LINGO2: variants seen among roughly 807,000 people sequenced by gnomAD.
The protein encoded by LINGO2 is leucine-rich repeat and immunoglobulin-like domain-containing nogo receptor-interacting protein 2.
In LINGO2, 14 loss-of-function variants were observed where a neutral mutation model predicts 30.6. The ratio of observed to expected loss-of-function variants is 0.46; its 90% confidence interval spans 0.30 to 0.72. The LOEUF is 0.72. LINGO2 is among the 30% of genes least tolerant of loss of function. The pLI is 0.07. For synonymous variants in LINGO2, 317 were observed against 288.5 expected (o/e 1.10, Z -1.00); for missense variants, 729 against 751.7 (o/e 0.97, Z 0.35).
rs143117895 is a variant in LINGO2 at position 28,436,421 on chromosome 9, AATTTATTTATTTATTT to A, written c.-279+39503_-279+39518del. Among the ~76,000 whole-genome samples, 788 of 138,966 alleles carry A rather than the reference AATTTATTTATTTATTT, an allele frequency of 5.7e-3. 10 individuals are homozygous for A. The highest frequency in any genetic ancestry group is 0.051 in the East Asian group (236 of 4,652). The allele number at this position is 138,966 out of a possible 152,430, so 91.2% of individuals were successfully genotyped here. A position where few individuals can be genotyped will look rare whatever the true frequency, so the allele number is the denominator to read the frequency against. ...TTTGAGAGAGAAGAATAAGGAAGAG[AATTTATTTATTTATTT>A]ATTTATTTATTTATTTATTTATTTA... is the stretch of plus-strand genomic sequence containing the variant. On this transcript the variant is annotated intron_variant, in intron 2 of 5. Coordinates refer to ENST00000379992, the Ensembl canonical transcript of LINGO2.
chr9:28,756,139 T>C, the LINGO2 span, among the ~76,000 whole-genome samples: 1 of 152,038 alleles, frequency 6.6e-6, no homozygotes, highest in Admixed American at 6.5e-5. Context: ...TCAAAACATC[T>C]TGGAAATTGC....
chr9:28,106,094 T>C (rs1402685037), intron 4 of LINGO2, among the ~76,000 whole-genome samples: 1 of 152,078 alleles, frequency 6.6e-6, no homozygotes, highest in African/African-American at 2.4e-5. Flanking sequence ...ATAGGTTACA[T>C]GCTCCTTATG....
At chr9:28,847,734 GTATA>G in the LINGO2 span, among the ~76,000 whole-genome samples, 5 of 114,716 alleles carry the variant, frequency 4.4e-5, no homozygotes, top group Non-Finnish European at 1.8e-5. Context: ...TAGTGTCTGT[GTATA>G]TATATATGTT....
chr9:28,059,894 G>A (rs775287039), intron 4 of LINGO2, among the ~76,000 whole-genome samples: 6 of 151,840 alleles, frequency 4.0e-5, no homozygotes, highest in Non-Finnish European at 7.4e-5. Flanking sequence ...ATAGAAGAAC[G>A]GGGTATGAGA....
chr9:28,566,255 G>C (rs1823376201), intron 1 of LINGO2, among the ~76,000 whole-genome samples: 3 of 152,130 alleles, frequency 2.0e-5, no homozygotes, highest in Admixed American at 1.3e-4. Flanking sequence ...CGTGGCTGAA[G>C]CCACTTTGTC....
the LINGO2 span, among the ~76,000 whole-genome samples, chr9:28,837,649 A>AATATATAATATATATATATAT: frequency 1.3e-5 from 1 of 75,794 alleles, no homozygotes; most frequent in African/African-American, 5.2e-5. Flanking sequence ...CTCCGTCTAA[A>AATATATAATATATATATATAT]ATATATATAT....
Position 28,377,044 on chromosome 9 carries a change from G to T in LINGO2, c.-278-4176C>A, listed in dbSNP as rs185283081. On this transcript the variant is annotated intron_variant, in intron 2 of 5. Coordinates refer to ENST00000379992, the Ensembl canonical transcript of LINGO2. ...CTCTTGAAATCTAGACATCTACAGA[G>T]ATGTTAGTAGATATGTACAAACACA... Among the ~76,000 whole-genome samples, 66 of 145,948 alleles carry T rather than the reference G, an allele frequency of 4.5e-4. No individual in the cohort carries two copies. The East Asian group carries it at 0.015, about 33-fold the overall frequency.
At chr9:28,837,649 A>ATAT in the LINGO2 span, among the ~76,000 whole-genome samples, 1 of 75,794 alleles carries the variant, frequency 1.3e-5, no homozygotes, top group Non-Finnish European at 2.5e-5. Context: ...CTCCGTCTAA[A>ATAT]ATATATATAT....
chr9:28,733,808 T>G, the LINGO2 span, among the ~76,000 whole-genome samples: 2 of 151,958 alleles, frequency 1.3e-5, no homozygotes, highest in Non-Finnish European at 2.9e-5. Context: ...CATCTGCCCT[T>G]CAAAAATCCA....
At chr9:28,203,095 C>A (rs147441744) in intron 4 of LINGO2, among the ~76,000 whole-genome samples, 29 of 152,194 alleles carry the variant, frequency 1.9e-4, no homozygotes, top group African/African-American at 6.3e-4. Context: ...AAATGTATAG[C>A]CTTCCACCTA....
intron 4 of LINGO2, among the ~76,000 whole-genome samples, chr9:28,032,807 TGGTTTG>T (rs1479729637): frequency 6.6e-6 from 1 of 152,200 alleles, no homozygotes; most frequent in Non-Finnish European, 1.5e-5. Flanking sequence ...AGTTCTACTT[TGGTTTG>T]GGTCTAGTAG....
the LINGO2 span, among the ~76,000 whole-genome samples, chr9:29,129,750 T>C: frequency 6.6e-6 from 1 of 151,956 alleles, no homozygotes; most frequent in Non-Finnish European, 1.5e-5. Flanking sequence ...AACCAGTAAA[T>C]AGGGGAAACA....
At chr9:27,938,047 C>G in the LINGO2 span, 1 of 152,144 alleles carries the variant, frequency 6.6e-6, no homozygotes, top group Non-Finnish European at 1.5e-5. Context: ...TTGAAGATAT[C>G]CATTCAAACT....
the LINGO2 span, among the ~76,000 whole-genome samples, chr9:28,955,518 G>C: frequency 3.3e-5 from 5 of 152,088 alleles, no homozygotes; most frequent in African/African-American, 1.2e-4. Context: ...GAAGAAGATA[G>C]ACCTAGGAAT....
intron 4 of LINGO2, among the ~76,000 whole-genome samples, chr9:28,255,155 T>G (rs1336040684): frequency 6.6e-6 from 1 of 152,086 alleles, no homozygotes; most frequent in Admixed American, 6.6e-5. Flanking sequence ...TTTTCCTTTC[T>G]TCTCTTTTTA....
intron 3 of LINGO2, among the ~76,000 whole-genome samples, chr9:28,313,446 T>C (rs748983291): frequency 2.0e-5 from 3 of 152,202 alleles, no homozygotes; most frequent in Non-Finnish European, 2.9e-5. Context: ...TTGCTAAGTT[T>C]CAACTCTACA....
At chr9:28,449,074 T>TGTGTGTGTGTGTG (rs74182509) in intron 2 of LINGO2, among the ~76,000 whole-genome samples, 1 of 137,614 alleles carries the variant, frequency 7.3e-6, no homozygotes, top group African/African-American at 2.9e-5. Flanking sequence ...TGTGTGTGTG[T>TGTGTGTGTGTGTG]TGGGAAGGTA....
At chr9:28,763,420 A>G in the LINGO2 span, among the ~76,000 whole-genome samples, 14 of 152,146 alleles carry the variant, frequency 9.2e-5, no homozygotes, top group East Asian at 2.5e-3. Flanking sequence ...GAAACTAAAT[A>G]ACAAACTTTT....
intron 3 of LINGO2, among the ~76,000 whole-genome samples, chr9:28,363,139 C>T (rs1820519369): frequency 6.6e-6 from 1 of 152,064 alleles, no homozygotes; most frequent in Non-Finnish European, 1.5e-5. Flanking sequence ...GATAAGGAAA[C>T]TCAAGTTTAG....
Sources: allele counts gnomAD v4.1 joint callset (sites outside exome capture counted in the v4.1 genomes callset), GRCh38; gene constraint gnomAD v4.1.1; transcripts MANE v1.5; gene names NCBI Gene and HGNC (gene_info 2026-07-23, HGNC 2026-07-21).